The following MTCL1 variants were observed in gnomAD, a reference collection of about 807,000 sequenced individuals.
MTCL1 encodes the protein microtubule crosslinking factor 1.
In MTCL1, 79 loss-of-function variants were observed where a neutral mutation model predicts 141.4. That is an observed-to-expected ratio of 0.56 (90% CI 0.47 to 0.67). The LOEUF (loss-of-function observed/expected upper bound fraction) is 0.67, where lower values mean the gene tolerates loss of function less well. Among genes scored for constraint, MTCL1 ranks in the 30% least tolerant of loss-of-function variants. The probability of loss-of-function intolerance (pLI) is 0.00; values close to 1 mark genes in which losing one functional copy is unlikely to be tolerated. For missense variants in MTCL1, 2,177 were observed against 2,113.9 expected (o/e 1.03, Z -0.59); for synonymous variants, 914 against 875.8 (o/e 1.04, Z -0.77).
intron 4 of MTCL1, among the ~76,000 whole-genome samples, chr18:8,768,997 G>A (rs1176015444): frequency 6.6e-6 from 1 of 152,122 alleles, no homozygotes; most frequent in East Asian, 1.9e-4. Flanking sequence ...GTTTCACCAT[G>A]TTGGCCTGGC....
intron 10 of MTCL1, 102 bp downstream of exon 9, chr18:8,798,393 G>C: frequency 9.4e-7 from 1 of 1,065,270 alleles, no homozygotes; most frequent in Non-Finnish European, 1.3e-6. Flanking sequence ...CATTCAGGTA[G>C]CAGAAAATTC....
chr18:8,706,840 C>T (rs905359598), intron 1 of MTCL1, 127 bp downstream of exon 1: 5 of 1,402,810 alleles, frequency 3.6e-6, no homozygotes, highest in South Asian at 1.5e-5. Context: ...CACGGTCCTA[C>T]CCCCGCATTG....
intron 12 of MTCL1, among the ~76,000 whole-genome samples, chr18:8,818,459 G>T (rs560425389): frequency 6.6e-6 from 1 of 152,066 alleles, no homozygotes; most frequent in South Asian, 2.1e-4. Context: ...ACAAACTCAA[G>T]TTTGCTCACT....
intron 1 of MTCL1, among the ~76,000 whole-genome samples, chr18:8,710,888 C>CTTTTTTTTTTTTTTTTT (rs71356255): frequency 2.3e-4 from 19 of 80,922 alleles, no homozygotes; most frequent in East Asian, 3.7e-4. Flanking sequence ...TTTTTTTTTA[C>CTTTTTTTTTTTTTTTTT]TTTTTTTTTT....
intron 16 of MTCL1, chr18:8,829,011 T>G (rs2077113914): frequency 1.2e-6 from 2 of 1,613,790 alleles, no homozygotes; most frequent in African/African-American, 2.7e-5. Context: ...GAGGTCGTGT[T>G]GTGTAACTCG....
At position 8,746,889 on chromosome 18, in the gene MTCL1, G is replaced by A. The variant is rs2096341642; in HGVS notation, c.357+26393G>A. Among the ~76,000 whole-genome samples, 6 of 152,202 alleles carry A rather than the reference G, an allele frequency of 3.9e-5. No homozygotes were observed. The South Asian group carries it at 1.2e-3, about 32-fold the overall frequency. On this transcript the variant is annotated intron_variant, in intron 4 of 16. Coordinates refer to ENST00000359865, the Ensembl canonical transcript of MTCL1. Reference sequence around the variant, plus strand: ...AATGCAAAAAGGGTGGTAGGAGTGGGGGCAGTTCTATTCTCAAAGAAAGGA... The same window carrying A: ...AATGCAAAAAGGGTGGTAGGAGTGGAGGCAGTTCTATTCTCAAAGAAAGGA...
intron 12 of MTCL1, among the ~76,000 whole-genome samples, chr18:8,813,618 T>G (rs1310313692): frequency 1.3e-5 from 2 of 152,198 alleles, no homozygotes; most frequent in Non-Finnish European, 2.9e-5. Context: ...CCACTAAAGA[T>G]GTGGTCACAG....
chr18:8,743,392 T>G (rs143908698), intron 4 of MTCL1, among the ~76,000 whole-genome samples: 1 of 152,250 alleles, frequency 6.6e-6, no homozygotes, highest in African/African-American at 2.4e-5. Context: ...CAGAAGGTCT[T>G]AGTACTACAG....
chr18:8,800,456 A>G (rs1414979484), intron 10 of MTCL1: 1 of 152,254 alleles, frequency 6.6e-6, no homozygotes, highest in Non-Finnish European at 1.5e-5. Context: ...AAAACTGCAT[A>G]TACCGATCAA....
intron 4 of MTCL1, among the ~76,000 whole-genome samples, chr18:8,761,800 C>T (rs957835827): frequency 6.6e-5 from 10 of 152,172 alleles, no homozygotes; most frequent in Non-Finnish European, 8.8e-5. Flanking sequence ...TTCATTATCA[C>T]GAGAACAGCA....
At chr18:8,767,093 G>C (rs2096463214) in intron 4 of MTCL1, among the ~76,000 whole-genome samples, 1 of 152,188 alleles carries the variant, frequency 6.6e-6, no homozygotes, top group African/African-American at 2.4e-5. Flanking sequence ...AGTGGCAGAG[G>C]CTGATGGAGG....
intron 4 of MTCL1, among the ~76,000 whole-genome samples, chr18:8,761,307 T>C (rs1484314766): frequency 2.0e-5 from 3 of 152,232 alleles, no homozygotes; most frequent in Non-Finnish European, 4.4e-5. Context: ...CTGAAAATTT[T>C]TGATGTAAAT....
intron 4 of MTCL1, among the ~76,000 whole-genome samples, chr18:8,726,948 C>T (rs1319966904): frequency 2.0e-5 from 3 of 152,138 alleles, no homozygotes; most frequent in Non-Finnish European, 4.4e-5. Context: ...ACCACCATCC[C>T]GCCCATTCTC....
chr18:8,783,808 C>T (rs1019001909), exon 6 of MTCL1: 9 of 1,613,162 alleles, frequency 5.6e-6, no homozygotes, highest in African/African-American at 1.3e-5. Context: ...AGGTGGAGAA[C>T]CGTGGCCTCA....
At chr18:8,823,210 TG>T (rs139401456) in intron 14 of MTCL1, among the ~76,000 whole-genome samples, 2,789 of 152,276 alleles carry the variant, frequency 0.018, 84 homozygotes, top group East Asian at 0.079. Flanking sequence ...TTTCTCATCA[TG>T]GTTTTGTTTG....
In MTCL1 at chr18:8,744,946, C is replaced by T. The variant is rs572428753; in HGVS notation, c.357+24450C>T. 3.9e-5 allele frequency among the ~76,000 whole-genome samples: 6 copies of T among 152,324 alleles called. No individual in the cohort carries two copies. In the East Asian group the frequency reaches 1.2e-3, roughly 29 times the overall value. On this transcript the variant is annotated intron_variant, in intron 4 of 16. Transcript: ENST00000359865. ...AGGGGGTGGCCCTGAGCAGGGCAGC[C>T]AGCCCCCCTGAGCTGTCCGGCTGTG...
intron 11 of MTCL1, chr18:8,811,296 TAAAG>T (rs1307109192): frequency 6.6e-6 from 1 of 152,098 alleles, no homozygotes; most frequent in Non-Finnish European, 1.5e-5. Flanking sequence ...AACCAGCTCT[TAAAG>T]AAATAATAGA....
intron 4 of MTCL1, among the ~76,000 whole-genome samples, chr18:8,729,886 C>G (rs1196954698): frequency 6.6e-6 from 1 of 151,966 alleles, no homozygotes; most frequent in Non-Finnish European, 1.5e-5. Context: ...ACCCTACATC[C>G]TGAATATTTT....
chr18:8,706,664 A>C, exon 1 of MTCL1: 1 of 1,546,398 alleles, frequency 6.5e-7, no homozygotes, highest in South Asian at 1.2e-5. Context: ...GAGGAAGAAG[A>C]GCTGCTGCGG....
Sources: allele counts gnomAD v4.1 joint callset (sites outside exome capture counted in the v4.1 genomes callset), GRCh38; gene constraint gnomAD v4.1.1; transcripts MANE v1.5; gene names NCBI Gene and HGNC (gene_info 2026-07-23, HGNC 2026-07-21).